IL34: variants seen among roughly 807,000 people sequenced by gnomAD.
The protein encoded by IL34 is interleukin-34.
IL34 carries 17 observed loss-of-function variants against 25.3 expected under a neutral mutation model. The observed-to-expected ratio is 0.67, with a 90% CI of 0.46 to 1.01. The LOEUF (loss-of-function observed/expected upper bound fraction) is 1.01. Ranked by LOEUF, IL34 falls within the 50% of genes least tolerant of loss-of-function variation. The pLI, the probability that IL34 is intolerant of heterozygous loss-of-function variation, is 0.00. For missense variants in IL34, 368 were observed against 312.9 expected (o/e 1.18, Z -1.33); for synonymous variants, 174 against 140.9 (o/e 1.23, Z -1.66).
intron 1 of IL34, among the ~76,000 whole-genome samples, chr16:70,609,185 C>T (rs545299210): frequency 6.0e-4 from 91 of 152,176 alleles, no homozygotes; most frequent in Non-Finnish European, 1.0e-3. Flanking sequence ...TCAAGCAATT[C>T]TCCCTGCCTC....
chr16:70,649,547 T>G (rs2052027363), intron 1 of IL34, among the ~76,000 whole-genome samples: 1 of 152,182 alleles, frequency 6.6e-6, no homozygotes, highest in Admixed American at 6.5e-5. Context: ...GAGTCGGTCC[T>G]ACCTCCTACT....
At chr16:70,652,050 C>T (rs2052093837) in intron 1 of IL34, among the ~76,000 whole-genome samples, 1 of 151,996 alleles carries the variant, frequency 6.6e-6, no homozygotes, top group South Asian at 2.1e-4. Flanking sequence ...ATGGCATGAG[C>T]CCAGGAAGCG....
At chr16:70,639,603 T>A (rs1187729817) in intron 1 of IL34, among the ~76,000 whole-genome samples, 4 of 131,076 alleles carry the variant, frequency 3.1e-5, no homozygotes, top group Admixed American at 7.5e-5. Flanking sequence ...CAGCACCGCT[T>A]GTATCGTGAC....
chr16:70,596,027 A>G (rs796912435), intron 1 of IL34, among the ~76,000 whole-genome samples: 7 of 151,072 alleles, frequency 4.6e-5, no homozygotes, highest in African/African-American at 1.5e-4. Context: ...AAAAAAAAAG[A>G]AAGTTGTATA....
chr16:70,633,745 G>A (rs775137714), intron 1 of IL34, among the ~76,000 whole-genome samples: 5 of 152,154 alleles, frequency 3.3e-5, no homozygotes, highest in Non-Finnish European at 7.3e-5. Flanking sequence ...TTGAGGGGAG[G>A]ATCTTTTCCT....
chr16:70,588,131 G>C (rs1319843114), intron 1 of IL34, among the ~76,000 whole-genome samples: 2 of 152,140 alleles, frequency 1.3e-5, no homozygotes, highest in Non-Finnish European at 2.9e-5. Flanking sequence ...TGCAGCTGCT[G>C]TGGAAACTAG....
At chr16:70,618,856 G>A (rs1388907858) in intron 1 of IL34, among the ~76,000 whole-genome samples, 1 of 152,172 alleles carries the variant, frequency 6.6e-6, no homozygotes, top group Non-Finnish European at 1.5e-5. Flanking sequence ...GTACAGCCTA[G>A]GTAATTTGCT....
rs576860837 is a variant in IL34 at position 70,628,910 on chromosome 16, C to G, written c.-400-17638C>G. On this transcript the variant is annotated intron_variant, in intron 1 of 6. Transcript: ENST00000429149. ...TCAAATGATCCTTCCACCTCGGCCTCCCGAGGAGCTGGGACAGCAAGCATG... is the reference window on the plus strand; with the variant it reads ...TCAAATGATCCTTCCACCTCGGCCTGCCGAGGAGCTGGGACAGCAAGCATG... 7.9e-5 allele frequency among the ~76,000 whole-genome samples: 12 copies of G among 151,938 alleles called. No individual in the cohort carries two copies. In the East Asian group the frequency reaches 2.3e-3, roughly 29 times the overall value.
chr16:70,589,273 C>T (rs1048984186), intron 1 of IL34, among the ~76,000 whole-genome samples: 4 of 151,870 alleles, frequency 2.6e-5, no homozygotes, highest in Non-Finnish European at 5.9e-5. Flanking sequence ...GTTTTAGATT[C>T]GGGGGTACAT....
Position 70,660,069 on chromosome 16 carries a change from C to T in IL34, c.611C>T (p.Ser204Leu). 4 of 1,613,770 alleles carry T rather than the reference C, an allele frequency of 2.5e-6. No homozygotes were observed. Among genetic ancestry groups the T allele is most frequent in the Non-Finnish European group, 2.5e-6 (3 of 1,179,888 alleles). ...CCTCAGTCTTGCAGCCCAGAGCCCT[C>T]ATTGCAGTATGCGGCCACCCAGCTG... ...PSPQSCSPEP[S>L]LQYAATQLYP... Residue 204 changes from serine (S) to leucine (L), a missense_variant, in exon 6 of 6, where the codon TCA (serine) becomes TTA (leucine). Coordinates refer to ENST00000288098, the MANE Select transcript of IL34 (RefSeq NM_001393494.1).
intron 1 of IL34, among the ~76,000 whole-genome samples, chr16:70,632,066 C>T (rs1396598966): frequency 1.4e-5 from 2 of 147,244 alleles, no homozygotes; most frequent in African/African-American, 2.5e-5. Flanking sequence ...CGTGCCACTG[C>T]ACTTCAGCCT....
chr16:70,605,437 G>T (rs745339251), intron 1 of IL34, among the ~76,000 whole-genome samples: 1 of 152,108 alleles, frequency 6.6e-6, no homozygotes, highest in Non-Finnish European at 1.5e-5. Flanking sequence ...TCACTGTGTT[G>T]TGTAATCATC....
At chr16:70,629,216 T>C (rs566640888) in intron 1 of IL34, among the ~76,000 whole-genome samples, 1 of 152,356 alleles carries the variant, frequency 6.6e-6, no homozygotes, top group South Asian at 2.1e-4. Context: ...GTAATTGCAT[T>C]GGCTATTACC....
At chr16:70,645,709 T>G (rs2051909955), upstream of IL34, among the ~76,000 whole-genome samples, 1 of 152,194 alleles carries the variant, frequency 6.6e-6, no homozygotes, top group Non-Finnish European at 1.5e-5. Flanking sequence ...ATTGATAAAC[T>G]GAGATTTTGC....
chr16:70,624,639 A>G (rs564895669), intron 1 of IL34, among the ~76,000 whole-genome samples: 1 of 152,272 alleles, frequency 6.6e-6, no homozygotes, highest in East Asian at 1.9e-4. Flanking sequence ...ATAAAGAAAA[A>G]GGAGCATTCA....
intron 1 of IL34, among the ~76,000 whole-genome samples, chr16:70,597,116 G>A (rs1016532616): frequency 6.6e-6 from 1 of 152,120 alleles, no homozygotes; most frequent in Non-Finnish European, 1.5e-5. Context: ...GTGCTCTGGG[G>A]TAGTTCCCAA....
At chr16:70,636,114 A>T (rs551423258) in intron 1 of IL34, among the ~76,000 whole-genome samples, 1 of 151,618 alleles carries the variant, frequency 6.6e-6, no homozygotes, top group South Asian at 2.1e-4. Flanking sequence ...TCTCAACTCA[A>T]TGTAGCCTTC....
chr16:70,599,766 C>T (rs1277392296), intron 1 of IL34, among the ~76,000 whole-genome samples: 1 of 151,696 alleles, frequency 6.6e-6, no homozygotes, highest in African/African-American at 2.4e-5. Flanking sequence ...CTTCGACCTC[C>T]TGGCCCCAAG....
rs79922158 is a variant in IL34, at chr16:70,660,067, C to T, written c.609C>T (p.Pro203=). 1.1e-3 allele frequency: 1,797 copies of T among 1,613,784 alleles called. 23 individuals carry two copies. In the African/African-American group the frequency reaches 0.019, roughly 17 times the overall value. The part of the protein sequence containing the change: ...VPSPQSCSPE[P]SLQYAATQLY... ...GTCCTCAGTCTTGCAGCCCAGAGCCCTCATTGCAGTATGCGGCCACCCAGC... is the reference window on the plus strand; with the variant it reads ...GTCCTCAGTCTTGCAGCCCAGAGCCTTCATTGCAGTATGCGGCCACCCAGC... Residue 203 remains proline, a synonymous_variant, in exon 6 of 6, where the codon CCC becomes CCT. Transcript: ENST00000288098.
Sources: gnomAD v4.1 joint callset for allele counts (sites outside exome capture counted in the v4.1 genomes callset) on GRCh38, gnomAD v4.1.1 for gene constraint, MANE v1.5 for transcripts, NCBI Gene and HGNC (gene_info 2026-07-23, HGNC 2026-07-21) for gene names.